ZNF721: variants seen among roughly 807,000 people sequenced by gnomAD.
ZNF721 encodes the protein zinc finger protein 721.
Under a neutral mutation model 2.4 loss-of-function variants are expected in ZNF721, and 2 were observed. The observed-to-expected ratio is 0.82, with a 90% CI of 0.34 to 2.58. The LOEUF (loss-of-function observed/expected upper bound fraction) is 2.58. Ranked by LOEUF, ZNF721 falls within the 30% of genes most tolerant of loss-of-function variation. The pLI is 0.11. For missense variants in ZNF721, 1,187 were observed against 1,085.5 expected, an observed-to-expected ratio of 1.09 and a Z score of -1.31; for synonymous variants, 398 against 381.8, an observed-to-expected ratio of 1.04 and a Z score of -0.50.
chr4:492,791 C>CAA (rs201247673), intron 1 of ZNF721, among the ~76,000 whole-genome samples: 4 of 129,288 alleles, frequency 3.1e-5, no homozygotes, highest in Admixed American at 1.6e-4. Context: ...GCCTTCTTAC[C>CAA]AAAAAAAAAA....
intron 1 of ZNF721, among the ~76,000 whole-genome samples, chr4:484,359 T>C (rs1244372190): frequency 6.6e-6 from 1 of 152,196 alleles, no homozygotes; most frequent in Admixed American, 6.5e-5. Flanking sequence ...CAATATGAAA[T>C]GTGTGGCACC....
chr4:486,199 G>A (rs1324050226), intron 1 of ZNF721, among the ~76,000 whole-genome samples: 17 of 141,192 alleles, frequency 1.2e-4, no homozygotes, highest in African/African-American at 2.8e-4. Context: ...TCGCTCTGTC[G>A]CCCAGGCTGC....
chr4:475,917 A>T (rs1165223866), intron 1 of ZNF721, among the ~76,000 whole-genome samples: 1 of 152,142 alleles, frequency 6.6e-6, no homozygotes, highest in Admixed American at 6.5e-5. Flanking sequence ...CTATACATCT[A>T]TGCTACCATA....
At chr4:450,417 T>C (rs978981807) in intron 2 of ZNF721, among the ~76,000 whole-genome samples, 1 of 152,176 alleles carries the variant, frequency 6.6e-6, no homozygotes, top group East Asian at 1.9e-4. Flanking sequence ...ATAAAACAGA[T>C]ACACTGAGAC....
rs1560223208 is a variant in ZNF721, at chr4:442,531, A to G, written c.1936T>C (p.Cys646Arg). 1.2e-6 allele frequency: 2 copies of G among 1,612,868 alleles called. No homozygotes were observed. The highest frequency in any genetic ancestry group is 1.7e-6 in the Non-Finnish European group (2 of 1,179,666). ...GTTGATGGGGCAAAGGCTTTGCCACACTCTTCACATTTGTAAGGTTTCTCC... is the reference window on the plus strand; with the variant it reads ...GTTGATGGGGCAAAGGCTTTGCCACGCTCTTCACATTTGTAAGGTTTCTCC... The part of the protein sequence containing the change: ...TGEKPYKCEE[C>R]GKAFAPSTDL... Residue 646 changes from cysteine to arginine, a missense_variant, in exon 3 of 3, where the codon TGT becomes CGT. Cys to Arg is a radical substitution (Grantham distance 180, BLOSUM62 -3). Transcript: ENST00000511833.
intron 1 of ZNF721, among the ~76,000 whole-genome samples, chr4:496,552 G>C (rs1378368591): frequency 6.6e-6 from 1 of 151,956 alleles, no homozygotes; most frequent in Non-Finnish European, 1.5e-5. Flanking sequence ...TTTCTTCAGA[G>C]GGGAAGATTC....
intron 2 of ZNF721, among the ~76,000 whole-genome samples, chr4:467,879 G>GT (rs1553866962): frequency 6.6e-6 from 1 of 152,196 alleles, no homozygotes; most frequent in African/African-American, 2.4e-5. Context: ...GCTCACGCCT[G>GT]TAAGCCCAGC....
chr4:486,307 C>T (rs1177595076), intron 1 of ZNF721, among the ~76,000 whole-genome samples: 6 of 151,962 alleles, frequency 3.9e-5, no homozygotes, highest in Non-Finnish European at 7.4e-5. Context: ...TACAGGCGTC[C>T]GCCACCATGT....
chr4:465,040 G>A (rs994087762), intron 2 of ZNF721, among the ~76,000 whole-genome samples: 3 of 150,572 alleles, frequency 2.0e-5, no homozygotes, highest in Admixed American at 6.7e-5. Flanking sequence ...AGCCAAGATC[G>A]TGCCACTGGA....
intron 2 of ZNF721, among the ~76,000 whole-genome samples, chr4:446,346 A>G (rs1423971864): frequency 1.3e-5 from 2 of 152,090 alleles, no homozygotes; most frequent in Admixed American, 6.5e-5. Flanking sequence ...ACTGACATCA[A>G]TAACAAACGA....
At chr4:477,699 A>G (rs898591086) in intron 1 of ZNF721, among the ~76,000 whole-genome samples, 9 of 152,154 alleles carry the variant, frequency 5.9e-5, no homozygotes, top group African/African-American at 1.9e-4. Flanking sequence ...AGAAAATTTC[A>G]TGCTCCAAAG....
chr4:472,752 G>C (rs1469245941), intron 1 of ZNF721, 51 bp from the exon 2 acceptor site: 1 of 1,603,678 alleles, frequency 6.2e-7, no homozygotes, highest in Non-Finnish European at 8.5e-7. Flanking sequence ...GACTACAGGT[G>C]AAATGTGTTA....
intron 2 of ZNF721, among the ~76,000 whole-genome samples, chr4:454,528 G>A (rs144246104): frequency 6.6e-6 from 1 of 152,232 alleles, no homozygotes; most frequent in Non-Finnish European, 1.5e-5. Context: ...GTATATCCCT[G>A]ACAATTCTCA....
intron 2 of ZNF721, among the ~76,000 whole-genome samples, chr4:461,039 C>T (rs188782749): frequency 6.6e-6 from 1 of 152,278 alleles, no homozygotes. Context: ...GAGCTGGTAC[C>T]ATGCCTTCTG....
At chr4:468,084 G>A (rs569961605) in intron 2 of ZNF721, among the ~76,000 whole-genome samples, 16 of 152,204 alleles carry the variant, frequency 1.1e-4, no homozygotes, top group South Asian at 4.1e-4. Flanking sequence ...TCGAGACCGC[G>A]GTGAAACCCT....
intron 1 of ZNF721, among the ~76,000 whole-genome samples, chr4:498,215 G>GAAAAAAAAAAAAAAAAAA (rs797042296): frequency 3.6e-5 from 3 of 83,932 alleles, no homozygotes; most frequent in South Asian, 4.8e-4. Context: ...AAAAGAAAAA[G>GAAAAAAAAAAAAAAAAAA]AAAAAAAAAA....
intron 1 of ZNF721, among the ~76,000 whole-genome samples, chr4:473,599 G>A (rs564366773): frequency 2.6e-5 from 4 of 152,282 alleles, no homozygotes; most frequent in African/African-American, 9.6e-5. Flanking sequence ...GTCCCCGTTT[G>A]CTCACATGAA....
In ZNF721 at chr4:446,850, C is replaced by A. The variant is rs553483926; in HGVS notation, c.35-2418G>T. Among the ~76,000 whole-genome samples the A allele has an allele frequency of 3.3e-5, 5 of 151,806 alleles. No individual in the cohort carries two copies. In the East Asian group the frequency reaches 9.8e-4, roughly 30 times the overall value. Reference sequence around the variant, plus strand: ...TGGGACTACAGGCGCACCACCACGCCCAGCAAATTTTTGCATTTCTGGTGA... The same window carrying A: ...TGGGACTACAGGCGCACCACCACGCACAGCAAATTTTTGCATTTCTGGTGA... On this transcript the variant is annotated intron_variant, in intron 2 of 2. Transcript: ENST00000511833.
chr4:453,098 G>A (rs114469809), intron 2 of ZNF721, among the ~76,000 whole-genome samples: 1 of 152,158 alleles, frequency 6.6e-6, no homozygotes. Context: ...TTTACTAATG[G>A]ACCACCAAAT....
Sources: gnomAD v4.1 joint callset for allele counts (sites outside exome capture counted in the v4.1 genomes callset) on GRCh38, gnomAD v4.1.1 for gene constraint, MANE v1.5 for transcripts, NCBI Gene and HGNC (gene_info 2026-07-23, HGNC 2026-07-21) for gene names.